The following RARA variants were observed in gnomAD, a reference collection of about 807,000 sequenced individuals.
RARA encodes the protein PML-DDX5-RARA fusion.
Under a neutral mutation model 42.8 loss-of-function variants are expected in RARA, and 5 were observed. The ratio of observed to expected loss-of-function variants is 0.12; its 90% CI spans 0.06 to 0.25. The LOEUF (loss-of-function observed/expected upper bound fraction) is 0.25, where lower values mean the gene tolerates loss of function less well. RARA is among the 10% of genes least tolerant of loss of function. RARA has a pLI of 1.00. For synonymous variants in RARA, 256 were observed against 259.5 expected, an observed-to-expected ratio of 0.99 and a Z score of 0.13; for missense variants, 402 against 628.7, an observed-to-expected ratio of 0.64 and a Z score of 3.86.
chr17:40,311,969 C>T (rs904949486), intron 1 of RARA, among the ~76,000 whole-genome samples: 10 of 152,256 alleles, frequency 6.6e-5, no homozygotes, highest in African/African-American at 2.4e-4. Context: ...ACATCTCCTG[C>T]TCTCATTTTT....
At position 40,351,785 on chromosome 17, in the gene RARA, C is replaced by A; in HGVS notation, c.470-125C>A. On this transcript the variant is annotated intron_variant, in intron 4 of 8. Coordinates refer to ENST00000254066, the MANE Select transcript of RARA (RefSeq NM_000964.4). This position sits in a 1 kb window ranked among gnomAD's most constrained non-coding sequence, Gnocchi z 4.1. The stretch of plus-strand genomic sequence containing the variant: ...TGCCTTGCCTGCCCGTGAACGCGTG[C>A]TGTGTGCGCGTGCTTACAAGCCTGG... 7.8e-7 allele frequency: 1 copy of A among 1,279,058 alleles called. No individual in the cohort carries two copies. Among genetic ancestry groups the A allele is most frequent in the Non-Finnish European group, 1.1e-6 (1 of 934,604 alleles). 79.2% of individuals were successfully genotyped at this position (1,279,058 alleles called of 1,614,324 possible). A position where few individuals can be genotyped will look rare whatever the true frequency, so the allele number is the denominator to read the frequency against.
chr17:40,337,867 C>T (rs947978939), intron 2 of RARA, among the ~76,000 whole-genome samples: 1 of 152,208 alleles, frequency 6.6e-6, no homozygotes, highest in Admixed American at 6.5e-5. Context: ...CCCTGCTTCC[C>T]ACTCTTTCCC....
At chr17:40,340,534 C>T (rs930517558) in intron 2 of RARA, among the ~76,000 whole-genome samples, 3 of 152,188 alleles carry the variant, frequency 2.0e-5, no homozygotes, top group Non-Finnish European at 4.4e-5. Flanking sequence ...ACCCCAGGGC[C>T]TTTGCACAGA....
intron 2 of RARA, among the ~76,000 whole-genome samples, chr17:40,346,147 C>T (rs2034259079): frequency 6.6e-6 from 1 of 152,208 alleles, no homozygotes; most frequent in Non-Finnish European, 1.5e-5. Context: ...AGCACATTCT[C>T]TCAGTTCCGT....
Position 40,331,291 on chromosome 17 carries a change from G to A in RARA, c.73G>A (p.Ala25Thr), listed in dbSNP as rs371882393. The change falls in exon 2 of 9, where the codon GCC becomes ACC. Residue 25 changes from alanine (A) to threonine (T), a missense_variant. Coordinates refer to ENST00000254066, the MANE Select transcript of RARA (RefSeq NM_000964.4). ...CAATGGGTACCCGGTGCCTCCCTAC[G>A]CCTTCTTCTTCCCCCCTATGCTGGG... The part of the protein sequence containing the change: ...HLNGYPVPPY[A>T]FFFPPMLGGL... The A allele has an allele frequency of 3.2e-5, 51 of 1,613,852 alleles. No individual in the cohort carries two copies. The highest frequency in any genetic ancestry group is 2.7e-4 in the East Asian group (12 of 44,880).
chr17:40,346,578 A>C (rs1439209618), intron 2 of RARA, among the ~76,000 whole-genome samples: 1 of 151,442 alleles, frequency 6.6e-6, no homozygotes, highest in Non-Finnish European at 1.5e-5. Context: ...AAGTTAGCAC[A>C]ACAAAGGGCT....
Position 40,348,436 on chromosome 17 carries a change from A to G in RARA, c.299A>G (p.Tyr100Cys). Residue 100 changes from tyrosine to cysteine, a missense_variant, in exon 3 of 9, where the codon TAT (tyrosine) becomes TGT (cysteine). This residue lies in a region of RARA where 130 missense variants were observed against 267.9 expected (regional missense o/e 0.49). Transcript: ENST00000254066. ...VCQDKSSGYHYGVSACEGCKG... is the reference protein window; with the variant it reads ...VCQDKSSGYHCGVSACEGCKG... ...CAGGACAAGTCCTCAGGCTACCACTATGGGGTCAGCGCCTGTGAGGGCTGC... is the reference window on the plus strand; with the variant it reads ...CAGGACAAGTCCTCAGGCTACCACTGTGGGGTCAGCGCCTGTGAGGGCTGC... 1 of 1,613,366 alleles carries G rather than the reference A, an allele frequency of 6.2e-7. No individual in the cohort carries two copies. Among genetic ancestry groups the G allele is most frequent in the Non-Finnish European group, 8.5e-7 (1 of 1,179,642 alleles).
chr17:40,324,363 C>T (rs895347096), intron 1 of RARA, among the ~76,000 whole-genome samples: 62 of 152,122 alleles, frequency 4.1e-4, no homozygotes, highest in African/African-American at 1.4e-3. Flanking sequence ...GCCCTTTCAC[C>T]TACTCGTTGC....
Position 40,352,540 on chromosome 17 carries a change from C to A in RARA, c.807+33C>A. On this transcript the variant is annotated intron_variant, in intron 6 of 8. Coordinates refer to ENST00000254066, the MANE Select transcript of RARA (RefSeq NM_000964.4). This position sits in a 1 kb window ranked among gnomAD's most constrained non-coding sequence, Gnocchi z 4.9. ...TCTGCACCCTGGCCCCCAGGCACTG[C>A]CCCTGTGTCCTGGGTAGATGTCCTT... The A allele has an allele frequency of 6.5e-7, 1 of 1,534,174 alleles. No individual in the cohort carries two copies. The highest frequency in any genetic ancestry group is 8.9e-7 in the Non-Finnish European group (1 of 1,128,248).
rs1283741180 is a variant in RARA, at chr17:40,341,386, A to C, written c.179-6930A>C. On this transcript the variant is annotated intron_variant, in intron 2 of 8. Coordinates refer to ENST00000254066, the MANE Select transcript of RARA (RefSeq NM_000964.4). ...GCGTCGGGTTCCGGCGGCCGGAGTC[A>C]CACATGATGTCACAGACAATGACAC... 3 of 1,462,934 alleles carry C rather than the reference A, an allele frequency of 2.1e-6. No individual in the cohort carries two copies. In the South Asian group the frequency reaches 4.1e-5, roughly 20 times the overall value. 90.6% of individuals were successfully genotyped at this position (1,462,934 alleles called of 1,614,324 possible).
chr17:40,323,580 G>A (rs901151661), intron 1 of RARA, among the ~76,000 whole-genome samples: 7 of 151,884 alleles, frequency 4.6e-5, no homozygotes, highest in Non-Finnish European at 7.4e-5. Context: ...TCTGGCAGGC[G>A]CTCTTCTCTA....
intron 1 of RARA, among the ~76,000 whole-genome samples, chr17:40,310,146 G>C (rs2033068491): frequency 6.6e-6 from 1 of 152,198 alleles, no homozygotes; most frequent in South Asian, 2.1e-4. Context: ...CAGAATCTCA[G>C]GCTCCTGGTG....
intron 2 of RARA, among the ~76,000 whole-genome samples, chr17:40,334,920 A>T (rs1194972462): frequency 6.6e-6 from 1 of 152,176 alleles, no homozygotes; most frequent in Non-Finnish European, 1.5e-5. Flanking sequence ...GTTCTGCTAC[A>T]GCCAGGGTGG....
intron 2 of RARA, chr17:40,342,391 G>A (rs1370819143): frequency 1.8e-6 from 2 of 1,120,270 alleles, no homozygotes; most frequent in African/African-American, 3.2e-5. Context: ...CGGACGCCAC[G>A]AGACTCTAGA....
At chr17:40,325,352 G>C (rs1023580246) in intron 1 of RARA, among the ~76,000 whole-genome samples, 3 of 152,192 alleles carry the variant, frequency 2.0e-5, no homozygotes, top group African/African-American at 7.2e-5. Context: ...TGAACAGACA[G>C]GAAACAGAGG....
At chr17:40,349,995 A>G in intron 4 of RARA, 70 bp downstream of exon 4, 3 of 1,582,760 alleles carry the variant, frequency 1.9e-6, no homozygotes, top group Non-Finnish European at 2.6e-6. Flanking sequence ...AGACCAAGGG[A>G]GCAGGGCTCT....
At chr17:40,332,484 C>T (rs1450820058) in intron 2 of RARA, among the ~76,000 whole-genome samples, 2 of 152,184 alleles carry the variant, frequency 1.3e-5, no homozygotes, top group East Asian at 1.9e-4. Flanking sequence ...GGTCAGTGCC[C>T]CCTTCTCAGT....
At chr17:40,341,614 C>T (rs2034044424) in intron 2 of RARA, 3 of 1,352,542 alleles carry the variant, frequency 2.2e-6, no homozygotes, top group Non-Finnish European at 1.9e-6. Flanking sequence ...TCACGGGCAG[C>T]GGTGGGTGGG....
At chr17:40,336,138 C>G (rs956706993) in intron 2 of RARA, among the ~76,000 whole-genome samples, 1 of 152,194 alleles carries the variant, frequency 6.6e-6, no homozygotes, top group Non-Finnish European at 1.5e-5. Context: ...TACAGTGGTG[C>G]AATCTCTCAG....
Sources: allele counts gnomAD v4.1 joint callset (sites outside exome capture counted in the v4.1 genomes callset), GRCh38; gene constraint gnomAD v4.1.1; regional missense constraint gnomAD v4.1.1; non-coding constraint Gnocchi (gnomAD v3.1); transcripts MANE v1.5; gene names NCBI Gene and HGNC (gene_info 2026-07-23, HGNC 2026-07-21).